The following AGBL2 variants were observed in gnomAD, a reference collection of about 807,000 sequenced individuals.
AGBL2 encodes the protein cytosolic carboxypeptidase 2.
A neutral mutation model predicts 103.0 loss-of-function variants in AGBL2; 87 were observed. That is an observed-to-expected ratio of 0.84 (90% CI 0.71 to 1.01). AGBL2 has a LOEUF of 1.01. Among genes scored for constraint, AGBL2 ranks in the 50% least tolerant of loss-of-function variants. The pLI is 0.00. For missense variants in AGBL2, 904 were observed against 1,023.5 expected (o/e 0.88, Z 1.59); for synonymous variants, 335 against 356.7 (o/e 0.94, Z 0.69).
Position 47,690,707 on chromosome 11 carries a change from CA to C in AGBL2, c.999del (p.Val334Ter), listed in dbSNP as rs2097441886. ...VNLLKPKSLY[T>X]VGMKPLLYSQ... The stretch of plus-strand genomic sequence containing the variant: ...GAGTACAAGAGTGGCTTCATCCCTA[CA>C]GTATAAAGACTCTTGGGTTTTAGCA... On this transcript the variant is annotated frameshift_variant, in exon 10 of 19. Coordinates refer to ENST00000525123, the MANE Select transcript of AGBL2 (RefSeq NM_024783.4). LOFTEE classifies it high-confidence loss of function. 3.1e-6 allele frequency: 5 copies of C among 1,613,992 alleles called. No individual in the cohort carries two copies. The East Asian group carries it at 1.1e-4, about 36-fold the overall frequency.
chr11:47,661,085 C>T (rs1302386983), intron 18 of AGBL2, among the ~76,000 whole-genome samples: 2 of 152,042 alleles, frequency 1.3e-5, no homozygotes, highest in African/African-American at 2.4e-5. Flanking sequence ...ATCGCTTGAG[C>T]CTGGCAGGCA....
intron 14 of AGBL2, among the ~76,000 whole-genome samples, chr11:47,673,907 C>T (rs908329463): frequency 6.6e-6 from 1 of 151,202 alleles, no homozygotes; most frequent in East Asian, 1.9e-4. Flanking sequence ...CGTGACCAGC[C>T]TGGCCAACAT....
At chr11:47,695,164 CAAAA>C (rs2097462869) in intron 8 of AGBL2, among the ~76,000 whole-genome samples, 4 of 147,612 alleles carry the variant, frequency 2.7e-5, no homozygotes, top group Admixed American at 2.1e-4. Context: ...AACAAACAAA[CAAAA>C]CAAAAACAAA....
intron 17 of AGBL2, among the ~76,000 whole-genome samples, chr11:47,664,791 G>A (rs2097336889): frequency 6.6e-6 from 1 of 151,380 alleles, no homozygotes; most frequent in African/African-American, 2.4e-5. Context: ...CTCCTGGCCT[G>A]AAGTGATCCT....
chr11:47,714,560 C>T, intron 2 of AGBL2, 58 bp downstream of exon 2: 1 of 1,572,970 alleles, frequency 6.4e-7, no homozygotes, highest in Non-Finnish European at 8.7e-7. Flanking sequence ...CTGTGGAGTT[C>T]CCGAAGAAAT....
At chr11:47,675,294 G>A (rs910005904) in intron 14 of AGBL2, among the ~76,000 whole-genome samples, 12 of 129,714 alleles carry the variant, frequency 9.3e-5, no homozygotes, top group Non-Finnish European at 1.6e-4. Context: ...CTGCAACCTC[G>A]AATTTCTGAG....
intron 3 of AGBL2, chr11:47,714,042 C>A: frequency 2.1e-6 from 1 of 484,022 alleles, no homozygotes; most frequent in Admixed American, 3.3e-5. Context: ...GATAGCCAAA[C>A]AGACCAATGG....
chr11:47,712,408 A>G (rs2097538481), intron 3 of AGBL2, among the ~76,000 whole-genome samples: 1 of 152,228 alleles, frequency 6.6e-6, no homozygotes, highest in Non-Finnish European at 1.5e-5. Context: ...AGGAAATTAA[A>G]TTTTAAGAAG....
chr11:47,678,343 A>ATTATTTTTTTTTTTTTT (rs2097385523), intron 13 of AGBL2, among the ~76,000 whole-genome samples: 55 of 116,784 alleles, frequency 4.7e-4, no homozygotes, highest in East Asian at 1.2e-3. Flanking sequence ...TTATTATTTT[A>ATTATTTTTTTTTTTTTT]TTTTTTTTGA....
chr11:47,714,255 G>A (rs1195918453), intron 3 of AGBL2, 29 bp downstream of exon 3: 2 of 1,583,758 alleles, frequency 1.3e-6, no homozygotes, highest in South Asian at 1.1e-5. Context: ...GTCCAGGAAA[G>A]GTGATACTAG....
At chr11:47,661,612 T>C (rs2097328176) in intron 18 of AGBL2, among the ~76,000 whole-genome samples, 1 of 152,128 alleles carries the variant, frequency 6.6e-6, no homozygotes, top group Admixed American at 6.6e-5. Context: ...CTCCATCCAT[T>C]GGGAGAACCA....
intron 3 of AGBL2, 124 bp downstream of exon 3, chr11:47,714,159 GA>G: frequency 2.8e-6 from 2 of 714,874 alleles, no homozygotes; most frequent in Non-Finnish European, 4.8e-6. Context: ...AATGGTAGAG[GA>G]AAAAGTATTT....
At chr11:47,708,533 C>T (rs1291931587) in intron 4 of AGBL2, among the ~76,000 whole-genome samples, 1 of 150,332 alleles carries the variant, frequency 6.7e-6, no homozygotes, top group East Asian at 2.0e-4. Context: ...TAAAAATTAT[C>T]AGCTGGGCAC....
intron 14 of AGBL2, among the ~76,000 whole-genome samples, chr11:47,676,070 T>G (rs374910848): frequency 1.3e-5 from 2 of 151,936 alleles, no homozygotes; most frequent in African/African-American, 4.8e-5. Context: ...TCCACTGAAC[T>G]CCAGACCCAT....
chr11:47,675,375 GTTTTTTT>G (rs34044161), intron 14 of AGBL2, among the ~76,000 whole-genome samples: 1 of 55,114 alleles, frequency 1.8e-5, no homozygotes, highest in African/African-American at 7.3e-5. Context: ...CCCCTGCTAA[GTTTTTTT>G]TTTTTTTTTT....
At chr11:47,690,917 T>G in intron 9 of AGBL2, 59 bp from the exon 10 acceptor site, 1 of 1,388,012 alleles carries the variant, frequency 7.2e-7, no homozygotes, top group Non-Finnish European at 9.8e-7. Context: ...AAAAACAAAT[T>G]GGGAAAATGT....
intron 7 of AGBL2, among the ~76,000 whole-genome samples, chr11:47,702,875 G>GA (rs925273751): frequency 1.4e-5 from 2 of 146,904 alleles, no homozygotes; most frequent in Non-Finnish European, 1.5e-5. Context: ...CTCCGTCTCA[G>GA]AAAAAAAAAA....
At chr11:47,661,689 T>A (rs1320017311) in intron 18 of AGBL2, among the ~76,000 whole-genome samples, 1 of 152,032 alleles carries the variant, frequency 6.6e-6, no homozygotes, top group Non-Finnish European at 1.5e-5. Context: ...CCCAGACTCA[T>A]GTGAACAACA....
At chr11:47,677,206 C>T in intron 14 of AGBL2, 65 bp downstream of exon 14, 1 of 1,325,334 alleles carries the variant, frequency 7.5e-7, no homozygotes, top group Admixed American at 2.6e-5. Context: ...CAACATCTCA[C>T]TATATCACCC....
Sources: gnomAD v4.1 joint callset for allele counts (sites outside exome capture counted in the v4.1 genomes callset) on GRCh38, gnomAD v4.1.1 for gene constraint, MANE v1.5 for transcripts, NCBI Gene and HGNC (gene_info 2026-07-23, HGNC 2026-07-21) for gene names.